Variants in PDE4D observed in about 807,000 individuals in gnomAD.
The protein encoded by PDE4D is 3',5'-cyclic-AMP phosphodiesterase 4D.
A neutral mutation model predicts 87.4 loss-of-function variants in PDE4D; 24 were observed. The ratio of observed to expected loss-of-function variants is 0.27; its 90% CI spans 0.20 to 0.39. PDE4D has a LOEUF of 0.39. PDE4D is among the 10% of genes least tolerant of loss of function. PDE4D has a pLI of 1.00. For synonymous variants in PDE4D, 384 were observed against 383.2 expected (o/e 1.00, Z -0.02); for missense variants, 714 against 1,041.0 (o/e 0.69, Z 4.32).
intron 3 of PDE4D, among the ~76,000 whole-genome samples, chr5:59,958,372 T>G (rs1025084905): frequency 6.6e-6 from 1 of 152,142 alleles, no homozygotes; most frequent in Non-Finnish European, 1.5e-5. Context: ...AAGGATATAT[T>G]ACCAAGCATG....
At chr5:59,923,193 A>G (rs1754860981) in intron 3 of PDE4D, among the ~76,000 whole-genome samples, 1 of 152,136 alleles carries the variant, frequency 6.6e-6, no homozygotes, top group Non-Finnish European at 1.5e-5. Flanking sequence ...GTCACGTAAA[A>G]TAGAACACCA....
intron 1 of PDE4D, among the ~76,000 whole-genome samples, chr5:59,436,707 G>A (rs796567177): frequency 3.9e-5 from 6 of 152,278 alleles, no homozygotes; most frequent in African/African-American, 1.4e-4. Flanking sequence ...TGAGATGAAT[G>A]AAGCATAAGG....
At chr5:59,739,053 T>C (rs1419917087) in intron 1 of PDE4D, among the ~76,000 whole-genome samples, 1 of 152,110 alleles carries the variant, frequency 6.6e-6, no homozygotes, top group East Asian at 1.9e-4. Context: ...TTGTCTATAG[T>C]TGTATATTAA....
At chr5:59,231,681 C>T (rs186190940) in intron 1 of PDE4D, among the ~76,000 whole-genome samples, 5 of 152,334 alleles carry the variant, frequency 3.3e-5, no homozygotes, top group African/African-American at 7.2e-5. Flanking sequence ...CTGGAAAGTA[C>T]GTACTGAAAG....
At chr5:59,970,402 T>C (rs937222423) in intron 3 of PDE4D, among the ~76,000 whole-genome samples, 3 of 152,066 alleles carry the variant, frequency 2.0e-5, no homozygotes, top group Non-Finnish European at 4.4e-5. Context: ...AAAGAAACTA[T>C]CATCAGAGTG....
chr5:59,728,455 T>C (rs1756914824), intron 1 of PDE4D, among the ~76,000 whole-genome samples: 1 of 152,044 alleles, frequency 6.6e-6, no homozygotes, highest in African/African-American at 2.4e-5. Flanking sequence ...TTTCCTTTTC[T>C]CTCCTTTCAA....
chr5:60,404,587 T>C (rs2150053130), intron 1 of PDE4D, among the ~76,000 whole-genome samples: 1 of 152,296 alleles, frequency 6.6e-6, no homozygotes, highest in South Asian at 2.1e-4. Context: ...GGAAATGAGA[T>C]TGTGTGGCCC....
Position 59,892,896 on chromosome 5 carries a change from C to CCACACACA in PDE4D, c.455+264_455+271dup, listed in dbSNP as rs70975348. 4.3e-3 allele frequency among the ~76,000 whole-genome samples: 626 copies of CCACACACA among 143,962 alleles called. 1 individual carries two copies. The highest frequency in any genetic ancestry group is 6.9e-3 in the Admixed American group (100 of 14,424). 94.4% of individuals were successfully genotyped at this position (143,962 alleles called of 152,430 possible). A position where few individuals can be genotyped will look rare whatever the true frequency, so the allele number is the denominator to read the frequency against. On this transcript the variant is annotated intron_variant, in intron 1 of 14. Coordinates refer to ENST00000340635, the MANE Select transcript of PDE4D (RefSeq NM_001104631.2). ...CACAGATAACTGGGAAGCGCGCGCA[C>CCACACACA]CACACACACACACACACACACACAC...
chr5:59,742,104 C>T (rs1343005161), intron 1 of PDE4D, among the ~76,000 whole-genome samples: 1 of 151,996 alleles, frequency 6.6e-6, no homozygotes, highest in Non-Finnish European at 1.5e-5. Context: ...GCTCTTGTCG[C>T]CCAGGCTGGA....
At chr5:59,840,767 G>A (rs530340029) in intron 1 of PDE4D, among the ~76,000 whole-genome samples, 3 of 152,068 alleles carry the variant, frequency 2.0e-5, no homozygotes, top group Non-Finnish European at 4.4e-5. Context: ...TCTTGAAAAG[G>A]AAGGGCTTCT....
At chr5:60,112,507 G>T (rs1011615372) in intron 2 of PDE4D, among the ~76,000 whole-genome samples, 1 of 151,966 alleles carries the variant, frequency 6.6e-6, no homozygotes, top group East Asian at 1.9e-4. Flanking sequence ...AGGACCATCC[G>T]AACTTTCAGT....
rs1484336196 is a variant in PDE4D at position 60,222,311 on chromosome 5, C to A, written c.-89-36624G>T. ...GTAACCTGTATTGGAAGCAGAGCCTCCAGCCCCAGTCAAGCTTTCAGGGGA... is the reference window on the plus strand; with the variant it reads ...GTAACCTGTATTGGAAGCAGAGCCTACAGCCCCAGTCAAGCTTTCAGGGGA... On this transcript the variant is annotated intron_variant, in intron 1 of 16. Coordinates refer to the PDE4D transcript ENST00000502484. Among the ~76,000 whole-genome samples the A allele has an allele frequency of 2.6e-5, 4 of 152,072 alleles. No homozygotes were observed. The South Asian group carries it at 6.2e-4, about 24-fold the overall frequency.
At chr5:59,047,420 G>A (rs1184052086) in intron 5 of PDE4D, among the ~76,000 whole-genome samples, 1 of 152,170 alleles carries the variant, frequency 6.6e-6, no homozygotes, top group African/African-American at 2.4e-5. Context: ...TAGTCTTGGA[G>A]GACTTGTATA....
At chr5:59,032,823 CT>C (rs577940074) in intron 6 of PDE4D, among the ~76,000 whole-genome samples, 66 of 152,150 alleles carry the variant, frequency 4.3e-4, no homozygotes, top group Non-Finnish European at 8.2e-4. Context: ...GTCTCAATAA[CT>C]TTTTCATTTT....
intron 1 of PDE4D, among the ~76,000 whole-genome samples, chr5:59,382,899 T>A (rs1326634916): frequency 6.6e-6 from 1 of 152,202 alleles, no homozygotes; most frequent in Non-Finnish European, 1.5e-5. Flanking sequence ...AGCATTGAAG[T>A]CATTTTGTGG....
At chr5:59,034,191 T>C (rs575447447) in intron 6 of PDE4D, among the ~76,000 whole-genome samples, 17 of 152,222 alleles carry the variant, frequency 1.1e-4, no homozygotes, top group Non-Finnish European at 2.2e-4. Context: ...TCTACCTTTA[T>C]TGAGTAGATG....
chr5:60,046,080 C>T (rs954577285), intron 2 of PDE4D, among the ~76,000 whole-genome samples: 3 of 152,200 alleles, frequency 2.0e-5, no homozygotes, highest in Non-Finnish European at 4.4e-5. Flanking sequence ...AGGTCCTTCA[C>T]ATCCCTTGTT....
intron 3 of PDE4D, among the ~76,000 whole-genome samples, chr5:59,188,511 C>A (rs1375749063): frequency 6.6e-6 from 1 of 151,892 alleles, no homozygotes; most frequent in Non-Finnish European, 1.5e-5. Context: ...CAGGAAAATA[C>A]GGTTATCATT....
chr5:59,544,640 T>C (rs982532826), intron 1 of PDE4D, among the ~76,000 whole-genome samples: 4 of 152,156 alleles, frequency 2.6e-5, no homozygotes, highest in Non-Finnish European at 5.9e-5. Flanking sequence ...GTTCCATCAA[T>C]GGTTGGTTAG....
Sources: gnomAD v4.1 joint callset for allele counts (sites outside exome capture counted in the v4.1 genomes callset) on GRCh38, gnomAD v4.1.1 for gene constraint, MANE v1.5 for transcripts, NCBI Gene and HGNC (gene_info 2026-07-23, HGNC 2026-07-21) for gene names.